Variants in RIMBP2 observed in about 807,000 individuals in gnomAD.
RIMBP2 encodes RIMS-binding protein 2.
Under a neutral mutation model 118.6 loss-of-function variants are expected in RIMBP2, and 48 were observed. That is an observed-to-expected ratio of 0.40 (90% CI 0.32 to 0.51). RIMBP2 has a LOEUF of 0.51. Ranked by LOEUF, RIMBP2 falls within the 20% of genes least tolerant of loss-of-function variation. RIMBP2 has a pLI of 0.41. For missense variants in RIMBP2, 1,551 were observed against 1,768.3 expected, an observed-to-expected ratio of 0.88 and a Z score of 2.20; for synonymous variants, 762 against 742.9, an observed-to-expected ratio of 1.03 and a Z score of -0.42.
At chr12:130,483,457 ATACTTT>A (rs2082199787) in intron 4 of RIMBP2, among the ~76,000 whole-genome samples, 1 of 152,252 alleles carries the variant, frequency 6.6e-6, no homozygotes, top group Non-Finnish European at 1.5e-5. Flanking sequence ...TGCTAAAAAT[ATACTTT>A]TACTTTTTAT....
chr12:130,483,032 G>C (rs532225379), intron 4 of RIMBP2, among the ~76,000 whole-genome samples: 61 of 38,940 alleles, frequency 1.6e-3, no homozygotes, highest in African/African-American at 4.1e-3. Context: ...GGAGGGGGCA[G>C]ACCTCATCCA....
At chr12:130,571,458 TG>T (rs2057654286) in intron 2 of RIMBP2, among the ~76,000 whole-genome samples, 1 of 150,536 alleles carries the variant, frequency 6.6e-6, no homozygotes, top group Non-Finnish European at 1.5e-5. Flanking sequence ...CTCACTTTTT[TG>T]CCCAGGCTGG....
intron 1 of RIMBP2, among the ~76,000 whole-genome samples, chr12:130,676,655 C>T (rs1466626374): frequency 2.2e-4 from 34 of 151,880 alleles, no homozygotes; most frequent in Admixed American, 2.2e-3. Context: ...AGAAAACACA[C>T]ACACAGTGGC....
intron 3 of RIMBP2, among the ~76,000 whole-genome samples, chr12:130,516,107 C>T (rs2051427026): frequency 6.6e-6 from 1 of 152,228 alleles, no homozygotes; most frequent in Admixed American, 6.5e-5. Flanking sequence ...CACCATTTTA[C>T]ATTCCCAGCA....
chr12:130,452,428 C>T (rs1202606930), intron 7 of RIMBP2, among the ~76,000 whole-genome samples: 4 of 152,340 alleles, frequency 2.6e-5, no homozygotes, highest in African/African-American at 9.6e-5. Context: ...CCTGTGAGAA[C>T]ATCTGATCCT....
chr12:130,663,693 C>T (rs1211693087), intron 1 of RIMBP2, among the ~76,000 whole-genome samples: 1 of 151,776 alleles, frequency 6.6e-6, no homozygotes, highest in East Asian at 1.9e-4. Context: ...CCCCAGACGC[C>T]TCTGAGTGGG....
At chr12:130,572,937 G>T (rs982234845) in intron 2 of RIMBP2, among the ~76,000 whole-genome samples, 1 of 152,120 alleles carries the variant, frequency 6.6e-6, no homozygotes, top group African/African-American at 2.4e-5. Context: ...CCCAGATTCC[G>T]CCACAGGGCA....
At chr12:130,532,747 T>G (rs796548243) in intron 2 of RIMBP2, among the ~76,000 whole-genome samples, 5 of 113,834 alleles carry the variant, frequency 4.4e-5, no homozygotes, top group Admixed American at 9.4e-5. Context: ...CCTCTAGGAG[T>G]TACATCTAAT....
intron 4 of RIMBP2, among the ~76,000 whole-genome samples, chr12:130,480,844 G>A (rs528804837): frequency 2.1e-4 from 32 of 152,310 alleles, no homozygotes; most frequent in African/African-American, 7.0e-4. Flanking sequence ...CAGGCGATCC[G>A]CCTGCCTCGG....
At chr12:130,677,430 C>T (rs2064545172) in intron 1 of RIMBP2, among the ~76,000 whole-genome samples, 1 of 152,112 alleles carries the variant, frequency 6.6e-6, no homozygotes, top group Admixed American at 6.5e-5. Context: ...GAGTTCGAGA[C>T]CAGCCTGGCC....
chr12:130,588,743 C>T (rs1315827735), intron 2 of RIMBP2, among the ~76,000 whole-genome samples: 2 of 152,228 alleles, frequency 1.3e-5, no homozygotes, highest in African/African-American at 4.8e-5. Flanking sequence ...GTTGTATTAT[C>T]CTGTCATCTG....
chr12:130,509,351 A>G (rs76724588), intron 3 of RIMBP2, among the ~76,000 whole-genome samples: 13 of 152,258 alleles, frequency 8.5e-5, no homozygotes, highest in African/African-American at 3.1e-4. Flanking sequence ...GACAGATGAC[A>G]TTTCACACAC....
At chr12:130,556,222 G>A (rs887837630) in intron 2 of RIMBP2, among the ~76,000 whole-genome samples, 11 of 152,248 alleles carry the variant, frequency 7.2e-5, no homozygotes, top group South Asian at 6.2e-4. Flanking sequence ...CTGTCTGCCC[G>A]GATCTTCATT....
intron 6 of RIMBP2, among the ~76,000 whole-genome samples, chr12:130,462,244 TA>T (rs1455263314): frequency 1.3e-5 from 2 of 152,062 alleles, no homozygotes; most frequent in Non-Finnish European, 2.9e-5. Flanking sequence ...TTCTGGAACT[TA>T]GAATTTGTGA....
At chr12:130,504,283 G>A (rs1417808522) in intron 4 of RIMBP2, among the ~76,000 whole-genome samples, 1 of 152,146 alleles carries the variant, frequency 6.6e-6, no homozygotes, top group Non-Finnish European at 1.5e-5. Flanking sequence ...AAGGGGAGGG[G>A]CTGTGAGCCG....
At chr12:130,655,461 TGGGCA>T (rs1393062103) in intron 1 of RIMBP2, among the ~76,000 whole-genome samples, 1 of 151,604 alleles carries the variant, frequency 6.6e-6, no homozygotes, top group Non-Finnish European at 1.5e-5. Context: ...CAAGGAGGGG[TGGGCA>T]GGGCGGAGAG....
rs1045669841 is a variant in RIMBP2, at chr12:130,578,440, G to C, written c.-217+49882C>G. On this transcript the variant is annotated intron_variant, in intron 2 of 22. Transcript: ENST00000690449. The surrounding 1 kb of genome is among the most constrained non-coding windows in gnomAD (Gnocchi z 4.1). Reference sequence around the variant, plus strand: ...CAAGACCTTCTGCAGCTTTGCCCCTGCCTCACCTGTCCAACCTCGCCTTGA... The same window carrying C: ...CAAGACCTTCTGCAGCTTTGCCCCTCCCTCACCTGTCCAACCTCGCCTTGA... 3.3e-5 allele frequency among the ~76,000 whole-genome samples: 5 copies of C among 152,164 alleles called. No homozygotes were observed. The highest frequency in any genetic ancestry group is 7.3e-5 in the Non-Finnish European group (5 of 68,040).
At chr12:130,405,681 G>A (rs976979571) in intron 21 of RIMBP2, among the ~76,000 whole-genome samples, 1 of 151,774 alleles carries the variant, frequency 6.6e-6, no homozygotes, top group Non-Finnish European at 1.5e-5. Context: ...AGGGGTGGGG[G>A]CGGGGTGGGG....
chr12:130,479,622 TCCGCACCCTCCCGGGAGCTTCCCGACCTC>T (rs2081776817), intron 4 of RIMBP2, among the ~76,000 whole-genome samples: 2 of 132,006 alleles, frequency 1.5e-5, no homozygotes, highest in Non-Finnish European at 3.0e-5. Context: ...TCGGGCCGAG[TCCGCACCCTCCCGGGAGCTTCCCGACCTC>T]GGGCTCTGGT....
Sources: allele counts gnomAD v4.1 joint callset (sites outside exome capture counted in the v4.1 genomes callset), GRCh38; gene constraint gnomAD v4.1.1; non-coding constraint Gnocchi (gnomAD v3.1); transcripts MANE v1.5; gene names NCBI Gene and HGNC (gene_info 2026-07-23, HGNC 2026-07-21).